NABP2: variants seen among roughly 807,000 people sequenced by gnomAD.
NABP2 encodes nucleic acid binding protein 2.
In NABP2, 7 loss-of-function variants were observed where a neutral mutation model predicts 22.7. The ratio of observed to expected loss-of-function variants is 0.31; its 90% confidence interval spans 0.18 to 0.58. The LOEUF (loss-of-function observed/expected upper bound fraction) is 0.58, where lower values mean the gene tolerates loss of function less well. NABP2 is among the 20% of genes least tolerant of loss of function. The pLI is 0.89. For missense variants in NABP2, 188 were observed against 265.9 expected, an observed-to-expected ratio of 0.71 and a Z score of 2.04; for synonymous variants, 107 against 99.2, an observed-to-expected ratio of 1.08 and a Z score of -0.47.
Position 56,226,423 on chromosome 12 carries a change from A to T in NABP2, c.436+4A>T. The stretch of plus-strand genomic sequence containing the variant: ...GGACCCTCTGCTGCCTCTCCAGGTA[A>T]ATCTGTTCCCTTCTATCCACTGGTC... On this transcript the variant is annotated splice_donor_region_variant and intron_variant, in intron 6 of 6. Transcript: ENST00000267023. 4.3e-6 allele frequency: 7 copies of T among 1,612,642 alleles called. No homozygotes were observed. Among genetic ancestry groups the T allele is most frequent in the Non-Finnish European group, 5.9e-6 (7 of 1,179,864 alleles).
At position 56,229,441 on chromosome 12, in the gene NABP2, A is replaced by T; in HGVS notation, c.*228A>T. 1 of 560,646 alleles carries T rather than the reference A, an allele frequency of 1.8e-6. No individual in the cohort carries two copies. The highest frequency in any genetic ancestry group is 3.2e-6 in the Non-Finnish European group (1 of 314,720). 34.7% of individuals were successfully genotyped at this position (560,646 alleles called of 1,614,324 possible). ...TGCCTGCTCTCTTTCCTCTTTAGAA[A>T]TGGCAGTTACTGGCTGGGCGCAGTG... On this transcript the variant is annotated 3_prime_UTR_variant, in exon 7 of 7. Coordinates refer to ENST00000267023, the MANE Select transcript of NABP2 (RefSeq NM_024068.4).
upstream of NABP2, among the ~76,000 whole-genome samples, chr12:56,222,686 C>G (rs755319460): frequency 2.0e-5 from 3 of 152,168 alleles, no homozygotes; most frequent in Non-Finnish European, 4.4e-5. Flanking sequence ...ATTAATTAAG[C>G]AAACCAAGGC....
chr12:56,224,635 A>C, intron 1 of NABP2, 194 bp downstream of exon 1: 1 of 1,084,486 alleles, frequency 9.2e-7, no homozygotes. Context: ...TTCCAGCCCC[A>C]AAGCAGCCTG....
intron 3 of NABP2, 46 bp from the exon 4 acceptor site, chr12:56,225,578 T>G (rs1394235021): frequency 1.2e-6 from 2 of 1,614,064 alleles, no homozygotes; most frequent in African/African-American, 1.3e-5. Flanking sequence ...TAACAGTCCC[T>G]ATAACACTTC....
chr12:56,224,514 T>G, intron 1 of NABP2, 73 bp downstream of exon 1: 1 of 1,097,582 alleles, frequency 9.1e-7, no homozygotes, highest in Non-Finnish European at 1.1e-6. Flanking sequence ...TTCCGGAAGA[T>G]CTGGCCAGTA....
Position 56,226,557 on chromosome 12 carries a change from CTTTTTTTTT to C in NABP2, c.436+155_436+163del, listed in dbSNP as rs10676451. ...TCCTTCACCCAATTCTCCCAGACCC[CTTTTTTTTT>C]TTTTTTTTTTTTTTTTGAGACGAAG... On this transcript the variant is annotated intron_variant, in intron 6 of 6. Coordinates refer to ENST00000267023, the MANE Select transcript of NABP2 (RefSeq NM_024068.4). 44 of 271,954 alleles carry C rather than the reference CTTTTTTTTT, an allele frequency of 1.6e-4. No individual in the cohort carries two copies. In the African/African-American group the frequency reaches 1.7e-3, roughly 10 times the overall value. 16.8% of individuals were successfully genotyped at this position (271,954 alleles called of 1,614,324 possible).
chr12:56,227,755 G>C (rs1461115771), intron 6 of NABP2, among the ~76,000 whole-genome samples: 1 of 152,204 alleles, frequency 6.6e-6, no homozygotes, highest in Non-Finnish European at 1.5e-5. Context: ...TGAGGCTGCA[G>C]TGAGCTATGA....
chr12:56,229,357 A>G lies in NABP2; in HGVS notation c.*144A>G. The G allele has an allele frequency of 2.6e-6, 2 of 783,910 alleles. No individual in the cohort carries two copies. Among genetic ancestry groups the G allele is most frequent in the Admixed American group, 2.4e-5 (1 of 42,420 alleles). 48.6% of individuals were successfully genotyped at this position (783,910 alleles called of 1,614,324 possible). On this transcript the variant is annotated 3_prime_UTR_variant, in exon 7 of 7. Transcript: ENST00000267023. ...GGTGAGCAGTGTCCTTATCCACCCT[A>G]ATCTCATACTCCCTCATTGTCCAGC...
rs940783625 is a variant in NABP2 at position 56,225,356 on chromosome 12, T to G, written c.80-17T>G. 1.9e-6 allele frequency: 3 copies of G among 1,613,898 alleles called. No individual in the cohort carries two copies. The Admixed American group carries it at 5.0e-5, about 27-fold the overall frequency. On this transcript the variant is annotated splice_polypyrimidine_tract_variant and intron_variant, in intron 2 of 6. Coordinates refer to ENST00000267023, the MANE Select transcript of NABP2 (RefSeq NM_024068.4). ...TATTTGACCATCCTCCCACCTCGAT[T>G]TATCTGTTCCGTTCAGGCCGAGTGA... is the stretch of plus-strand genomic sequence containing the variant.
At chr12:56,225,321 C>G in intron 2 of NABP2, 52 bp from the exon 3 acceptor site, 1 of 1,610,276 alleles carries the variant, frequency 6.2e-7, no homozygotes, top group Non-Finnish European at 8.5e-7. Context: ...CTGAGAGATA[C>G]CACTCCATTT....
intron 6 of NABP2, 138 bp downstream of exon 6, chr12:56,226,557 C>CTTTTTTTTTTTTTTTTTT (rs10676451): frequency 1.8e-5 from 4 of 227,692 alleles, no homozygotes; most frequent in Non-Finnish European, 3.0e-5. Flanking sequence ...TCCCAGACCC[C>CTTTTTTTTTTTTTTTTTT]TTTTTTTTTT....
chr12:56,225,016 C>A, intron 2 of NABP2, 81 bp downstream of exon 2: 1 of 1,099,442 alleles, frequency 9.1e-7, no homozygotes, highest in Non-Finnish European at 1.4e-6. Context: ...TCTTAACTTG[C>A]TATGGGGATG....
rs907036502 is a variant in NABP2, at chr12:56,224,400, C to A, written c.-65C>A. The stretch of plus-strand genomic sequence containing the variant: ...GCAGCGGAGCCTGTGGCTCCCCCTG[C>A]GGGCTGCTCAGCGGCGTGCACAGTC... On this transcript the variant is annotated 5_prime_UTR_variant, in exon 1 of 7. Coordinates refer to ENST00000267023, the MANE Select transcript of NABP2 (RefSeq NM_024068.4). The A allele has an allele frequency of 9.1e-6, 9 of 991,782 alleles. No homozygotes were observed. The African/African-American group carries it at 1.6e-4, about 17-fold the overall frequency. 61.4% of individuals were successfully genotyped at this position (991,782 alleles called of 1,614,324 possible). A position where few individuals can be genotyped will look rare whatever the true frequency, so the allele number is the denominator to read the frequency against.
rs759006879 is a variant in NABP2, at chr12:56,224,821, A to G, written c.-23-13A>G. 2 of 1,604,854 alleles carry G rather than the reference A, an allele frequency of 1.2e-6. No homozygotes were observed. Among genetic ancestry groups the G allele is most frequent in the Non-Finnish European group, 1.7e-6 (2 of 1,172,974 alleles). On this transcript the variant is annotated splice_polypyrimidine_tract_variant and intron_variant, in intron 1 of 6. Coordinates refer to ENST00000267023, the MANE Select transcript of NABP2 (RefSeq NM_024068.4). ...TCCAAGCATTGAGCCTTCATCCTCT[A>G]TTCCCCATCCAGTGGGGTGCCGAGG... is the stretch of plus-strand genomic sequence containing the variant.
chr12:56,229,166 A>G lies in NABP2; in HGVS notation c.589A>G (p.Asn197Asp). 6.6e-7 allele frequency: 1 copy of G among 1,519,976 alleles called. No homozygotes were observed. The highest frequency in any genetic ancestry group is 8.9e-7 in the Non-Finnish European group (1 of 1,123,962). 94.2% of individuals were successfully genotyped at this position (1,519,976 alleles called of 1,614,324 possible). A position where few individuals can be genotyped will look rare whatever the true frequency, so the allele number is the denominator to read the frequency against. ...TPAGPPGPSS[N>D]PVSNGKETRR... Reference sequence around the variant, plus strand: ...TGCAGGCCCGCCTGGCCCTTCCAGCAACCCTGTTAGTAACGGCAAAGAAAC... The same window carrying G: ...TGCAGGCCCGCCTGGCCCTTCCAGCGACCCTGTTAGTAACGGCAAAGAAAC... Residue 197 changes from asparagine to aspartate, a missense_variant, in exon 7 of 7, where the codon AAC becomes GAC. Coordinates refer to ENST00000267023, the MANE Select transcript of NABP2 (RefSeq NM_024068.4).
upstream of NABP2, among the ~76,000 whole-genome samples, chr12:56,222,962 G>A (rs542319964): frequency 6.6e-6 from 1 of 152,178 alleles, no homozygotes; most frequent in African/African-American, 2.4e-5. Flanking sequence ...ATGGCCGGGC[G>A]CGGTGGTTCA....
Position 56,225,388 on chromosome 12 carries a change from C to G in NABP2, c.95C>G (p.Thr32Arg). Residue 32 changes from threonine (T) to arginine (R), a missense_variant, in exon 3 of 7, where the codon ACA becomes AGA. Transcript: ENST00000267023. Reference protein sequence around the residue: ...IVLETGRVTKTKDGHEVRTCK... With the variant: ...IVLETGRVTKRKDGHEVRTCK... ...TTCCGTTCAGGCCGAGTGACCAAGACAAAGGACGGGCATGAGGTTCGGACC... is the reference window on the plus strand; with the variant it reads ...TTCCGTTCAGGCCGAGTGACCAAGAGAAAGGACGGGCATGAGGTTCGGACC... The G allele has an allele frequency of 6.2e-7, 1 of 1,614,190 alleles. No homozygotes were observed. Among genetic ancestry groups the G allele is most frequent in the Non-Finnish European group, 8.5e-7 (1 of 1,180,042 alleles).
At chr12:56,226,085 A>G in intron 4 of NABP2, 94 bp from the exon 5 acceptor site, 1 of 1,092,560 alleles carries the variant, frequency 9.2e-7, no homozygotes, top group Admixed American at 1.9e-5. Flanking sequence ...TACAGGTGTG[A>G]GTGACCACAC....
chr12:56,222,855 T>G (rs564556532), upstream of NABP2, among the ~76,000 whole-genome samples: 8 of 152,206 alleles, frequency 5.3e-5, no homozygotes, highest in Non-Finnish European at 8.8e-5. Context: ...AGCTACCTTT[T>G]GTGGACAATT....
Sources: gnomAD v4.1 joint callset for allele counts (sites outside exome capture counted in the v4.1 genomes callset) on GRCh38, gnomAD v4.1.1 for gene constraint, MANE v1.5 for transcripts, NCBI Gene and HGNC (gene_info 2026-07-23, HGNC 2026-07-21) for gene names.